The following SYNE1 variants were observed in gnomAD, a reference collection of about 807,000 sequenced individuals.
SYNE1 encodes nesprin-1.
In SYNE1, 616 loss-of-function variants were observed where a neutral mutation model predicts 1,111.0. The observed-to-expected ratio is 0.55, with a 90% CI of 0.52 to 0.59. SYNE1 has a LOEUF of 0.59. SYNE1 is among the 20% of genes least tolerant of loss of function. SYNE1 has a pLI of 0.00. For missense variants in SYNE1, 10,006 were observed against 10,417.0 expected (o/e 0.96, Z 1.72); for synonymous variants, 3,855 against 3,825.8 (o/e 1.01, Z -0.28).
chr6:152,150,590 C>T (rs937851687), intron 135 of SYNE1, among the ~76,000 whole-genome samples: 2 of 152,124 alleles, frequency 1.3e-5, no homozygotes, highest in Admixed American at 6.6e-5. Context: ...AGGTTATGGG[C>T]GTCATGACCA....
In SYNE1 at chr6:152,442,072, T is replaced by A; in HGVS notation, c.4008+3A>T. On this transcript the variant is annotated splice_donor_region_variant and intron_variant, in intron 31 of 145. Coordinates refer to ENST00000367255, the MANE Select transcript of SYNE1 (RefSeq NM_182961.4). ...TAAATGGCCCCTAACTTCCGGCTCC[T>A]ACCTGGATGCGGCGTTCCTGCCTCT... The A allele has an allele frequency of 6.2e-7, 1 of 1,614,122 alleles. No individual in the cohort carries two copies.
At chr6:152,433,428 A>C in intron 34 of SYNE1, 1 of 255,892 alleles carries the variant, frequency 3.9e-6, no homozygotes, top group South Asian at 5.2e-5. Flanking sequence ...GACATTGGGA[A>C]TGGGATTTTA....
At chr6:152,557,475 C>T (rs578102609) in intron 3 of SYNE1, among the ~76,000 whole-genome samples, 7 of 151,384 alleles carry the variant, frequency 4.6e-5, no homozygotes, top group Non-Finnish European at 1.0e-4. Flanking sequence ...ACCAAGAGCC[C>T]TAAAAAGATT....
chr6:152,204,769 G>C (rs1346182619), intron 126 of SYNE1, among the ~76,000 whole-genome samples: 2 of 152,130 alleles, frequency 1.3e-5, no homozygotes, highest in Non-Finnish European at 2.9e-5. Context: ...TCATGAGCCT[G>C]CAAATATCTA....
At chr6:152,546,038 C>G (rs892141487) in intron 3 of SYNE1, 2 of 152,122 alleles carry the variant, frequency 1.3e-5, no homozygotes, top group African/African-American at 4.8e-5. Context: ...GGGAAAACAA[C>G]AGCAAAGGCA....
chr6:152,157,720 T>C (rs1338669767), intron 131 of SYNE1, among the ~76,000 whole-genome samples: 1 of 152,094 alleles, frequency 6.6e-6, no homozygotes, highest in South Asian at 2.1e-4. Context: ...CTAGGTTCTA[T>C]ATCATGCATG....
In SYNE1 at chr6:152,331,145, A is replaced by G. The variant is rs1163406358; in HGVS notation, c.13540T>C (p.Trp4514Arg). Residue 4514 changes from tryptophan (W) to arginine (R), a missense_variant, in exon 78 of 146, where the codon TGG becomes CGG. This residue lies in a region of SYNE1 where 4,955 missense variants were observed against 5,017.2 expected (regional missense o/e 0.99). Coordinates refer to ENST00000367255, the MANE Select transcript of SYNE1 (RefSeq NM_182961.4). ...KTYQNEVTGL[W>R]AQGRELMKEV... is the part of the protein sequence containing the mutation. ...TTCATTAGTTCGCGACCCTGGGCCC[A>G]AAGTCCAGTGACTTCATTTTGGTAA... 2.5e-6 allele frequency: 4 copies of G among 1,613,964 alleles called. No homozygotes were observed. The highest frequency in any genetic ancestry group is 3.4e-6 in the Non-Finnish European group (4 of 1,180,032).
At chr6:152,205,374 T>A (rs2076317292) in intron 126 of SYNE1, among the ~76,000 whole-genome samples, 1 of 152,218 alleles carries the variant, frequency 6.6e-6, no homozygotes, top group Non-Finnish European at 1.5e-5. Flanking sequence ...AGGTACCACA[T>A]GATTCACTAT....
In SYNE1 at chr6:152,416,797, CAG is replaced by C. The variant is rs1339720925; in HGVS notation, c.5638_5639del (p.Leu1880ValfsTer19). On this transcript the variant is annotated frameshift_variant, in exon 41 of 146. Coordinates refer to ENST00000367255, the MANE Select transcript of SYNE1 (RefSeq NM_182961.4). LOFTEE classifies it high-confidence loss of function. ...GCCTCAGCTGGCGGAGAATGCCGGACAGAGAGGCATGGCTCTGGAGGAATTCT... is the reference window on the plus strand; with the variant it reads ...GCCTCAGCTGGCGGAGAATGCCGGACAGAGGCATGGCTCTGGAGGAATTCT... ...LAEFLQSHAS[L>X]SGILRQLRQT... 6.2e-7 allele frequency: 1 copy of C among 1,614,084 alleles called. No individual in the cohort carries two copies.
chr6:152,270,973 A>G lies in SYNE1; in HGVS notation c.18574-1687T>C, dbSNP rs562729399. ...GAGAGAACAGAGCAGTGAAGAGGAC[A>G]GCAGGGCTGGCGTACCATGGGGCAG... On this transcript the variant is annotated intron_variant, in intron 98 of 145. Coordinates refer to ENST00000367255, the MANE Select transcript of SYNE1 (RefSeq NM_182961.4). Among the ~76,000 whole-genome samples the G allele has an allele frequency of 8.5e-5, 13 of 152,350 alleles. 1 individual carries two copies. Among genetic ancestry groups the G allele is most frequent in the Non-Finnish European group, 1.5e-4 (10 of 68,030 alleles).
chr6:152,286,218 CA>C (rs2094319504), intron 95 of SYNE1, among the ~76,000 whole-genome samples: 1 of 152,110 alleles, frequency 6.6e-6, no homozygotes, highest in African/African-American at 2.4e-5. Context: ...TATATATATC[CA>C]TGCTGCTGCT....
At chr6:152,474,375 A>G (rs964541270) in intron 14 of SYNE1, among the ~76,000 whole-genome samples, 1 of 152,120 alleles carries the variant, frequency 6.6e-6, no homozygotes, top group Non-Finnish European at 1.5e-5. Flanking sequence ...TAGATCACAG[A>G]CCTGTAGGCA....
chr6:152,259,749 T>A (rs2091651974), intron 101 of SYNE1, among the ~76,000 whole-genome samples: 1 of 152,162 alleles, frequency 6.6e-6, no homozygotes, highest in Non-Finnish European at 1.5e-5. Flanking sequence ...GACAGCTAAA[T>A]TGCTTCTTCC....
At chr6:152,571,489 C>G (rs1245329873) in intron 3 of SYNE1, among the ~76,000 whole-genome samples, 1 of 152,090 alleles carries the variant, frequency 6.6e-6, no homozygotes, top group Non-Finnish European at 1.5e-5. Context: ...CACCTACAAT[C>G]CTTCAGAGGC....
intron 105 of SYNE1, among the ~76,000 whole-genome samples, chr6:152,246,659 T>C (rs749083872): frequency 6.6e-6 from 1 of 152,074 alleles, no homozygotes; most frequent in Non-Finnish European, 1.5e-5. Context: ...ATTAAATAAA[T>C]CATTAGAAAA....
intron 3 of SYNE1, among the ~76,000 whole-genome samples, chr6:152,592,447 A>T (rs1813734): frequency 0.022 from 3,317 of 152,302 alleles, 127 homozygotes; most frequent in African/African-American, 0.075. Context: ...ATAATCCCTA[A>T]GCAAATTAAC....
intron 109 of SYNE1, 87 bp from the exon 110 acceptor site, chr6:152,236,390 C>G: frequency 2.1e-6 from 2 of 945,454 alleles, no homozygotes. Context: ...CTACAATGTT[C>G]CCATTACCTG....
chr6:152,230,596 T>C lies in SYNE1; in HGVS notation c.21146A>G (p.His7049Arg). The part of the protein sequence containing the change: ...ETQEKRLKQQ[H>R]RIGDQASVQN... ...AACAGAAGCCTGATCTCCAATTCGA[T>C]GCTGTTGTTTTAGTCTCTTTTCCTG... The change falls in exon 115 of 146, where the codon CAT becomes CGT. Residue 7049 changes from histidine (H) to arginine (R), a missense_variant. By Grantham distance (29) the His-to-Arg change is conservative. Transcript: ENST00000367255. 3 of 1,614,168 alleles carry C rather than the reference T, an allele frequency of 1.9e-6. No homozygotes were observed. Among genetic ancestry groups the C allele is most frequent in the Non-Finnish European group, 2.5e-6 (3 of 1,180,010 alleles).
At chr6:152,259,181 T>C (rs1018825838) in intron 101 of SYNE1, among the ~76,000 whole-genome samples, 1 of 152,320 alleles carries the variant, frequency 6.6e-6, no homozygotes, top group Non-Finnish European at 1.5e-5. Flanking sequence ...TCTACTACTT[T>C]AATTTCCATA....
Sources: allele counts gnomAD v4.1 joint callset (sites outside exome capture counted in the v4.1 genomes callset), GRCh38; gene constraint gnomAD v4.1.1; regional missense constraint gnomAD v4.1.1; transcripts MANE v1.5; gene names NCBI Gene and HGNC (gene_info 2026-07-23, HGNC 2026-07-21).